WASF1: variants seen among roughly 807,000 people sequenced by gnomAD.
WASF1 encodes the protein WASP family member 1.
In WASF1, 7 loss-of-function variants were observed where a neutral mutation model predicts 50.5. The ratio of observed to expected loss-of-function variants is 0.14; its 90% CI spans 0.08 to 0.26. The LOEUF (loss-of-function observed/expected upper bound fraction) is 0.26. WASF1 is among the 10% of genes least tolerant of loss of function. The pLI is 1.00. For synonymous variants in WASF1, 205 were observed against 244.0 expected (o/e 0.84, Z 1.49); for missense variants, 470 against 694.7 (o/e 0.68, Z 3.64).
intron 3 of WASF1, among the ~76,000 whole-genome samples, chr6:110,148,394 A>G (rs1217742437): frequency 6.6e-6 from 1 of 152,132 alleles, no homozygotes; most frequent in Non-Finnish European, 1.5e-5. Context: ...ATGGAGTAAA[A>G]GTAGGGGACA....
At chr6:110,121,208 C>T (rs911837987) in intron 4 of WASF1, among the ~76,000 whole-genome samples, 1 of 152,114 alleles carries the variant, frequency 6.6e-6, no homozygotes, top group Non-Finnish European at 1.5e-5. Context: ...AACTAAAGAG[C>T]CTCTGCACAG....
intron 6 of WASF1, 79 bp downstream of exon 6, chr6:110,108,449 T>C: frequency 7.0e-7 from 1 of 1,418,684 alleles, no homozygotes; most frequent in Non-Finnish European, 9.6e-7. Flanking sequence ...CCCAATGAAA[T>C]AAAGAATGTT....
At chr6:110,133,241 C>G (rs2114530726) in intron 3 of WASF1, among the ~76,000 whole-genome samples, 1 of 152,190 alleles carries the variant, frequency 6.6e-6, no homozygotes, top group African/African-American at 2.4e-5. Context: ...ACAAATTGTG[C>G]TGCTATATAC....
chr6:110,176,321 T>C (rs971435403), intron 2 of WASF1, among the ~76,000 whole-genome samples: 1 of 152,086 alleles, frequency 6.6e-6, no homozygotes, highest in Non-Finnish European at 1.5e-5. Context: ...CACTTCTATC[T>C]AGTGTAGGAA....
intron 7 of WASF1, 96 bp downstream of exon 7, chr6:110,106,977 AAAAT>A: frequency 1.1e-6 from 1 of 871,064 alleles, no homozygotes; most frequent in Non-Finnish European, 1.8e-6. Context: ...TGGACCCAAT[AAAAT>A]AAAACTGTCA....
chr6:110,176,591 C>T lies in WASF1; in HGVS notation c.-127+2007G>A, dbSNP rs539757553. ...TTGATAAATCTTTAAAAATGTTTCA[C>T]TAAATATATTAATTCAATGGATATT... On this transcript the variant is annotated intron_variant, in intron 2 of 10. Transcript: ENST00000392589. 6.6e-5 allele frequency among the ~76,000 whole-genome samples: 10 copies of T among 152,022 alleles called. No homozygotes were observed. In the South Asian group the frequency reaches 2.1e-3, roughly 32 times the overall value.
At chr6:110,152,344 C>G (rs1240363270) in intron 3 of WASF1, among the ~76,000 whole-genome samples, 1 of 152,096 alleles carries the variant, frequency 6.6e-6, no homozygotes, top group Non-Finnish European at 1.5e-5. Context: ...AAACCAGGAA[C>G]AATAATATTA....
chr6:110,134,222 G>A (rs1774836093), intron 3 of WASF1, among the ~76,000 whole-genome samples: 1 of 151,738 alleles, frequency 6.6e-6, no homozygotes, highest in Non-Finnish European at 1.5e-5. Context: ...TTGGCCTTGG[G>A]TTGATCTTTT....
intron 3 of WASF1, among the ~76,000 whole-genome samples, chr6:110,130,804 CA>C (rs1291697501): frequency 1.3e-5 from 2 of 152,218 alleles, no homozygotes; most frequent in Non-Finnish European, 2.9e-5. Context: ...ACTGTACCAA[CA>C]CTTTACTTTC....
intron 4 of WASF1, among the ~76,000 whole-genome samples, chr6:110,124,245 T>TTC (rs1774296528): frequency 2.5e-5 from 1 of 39,486 alleles, no homozygotes; most frequent in Non-Finnish European, 4.4e-5. Flanking sequence ...CCTCTCTCTC[T>TTC]CTCTCTCTCT....
At chr6:110,116,232 C>T (rs1207076271) in intron 4 of WASF1, among the ~76,000 whole-genome samples, 1 of 152,202 alleles carries the variant, frequency 6.6e-6, no homozygotes, top group Non-Finnish European at 1.5e-5. Context: ...CGAGGCATTG[C>T]CTCACCCAGG....
At chr6:110,172,487 TA>T (rs890847085) in intron 2 of WASF1, among the ~76,000 whole-genome samples, 13 of 151,540 alleles carry the variant, frequency 8.6e-5, no homozygotes, top group African/African-American at 2.7e-4. Flanking sequence ...TATTTTGGTT[TA>T]AAAAAAAATC....
chr6:110,145,211 C>T (rs201223753), intron 3 of WASF1, among the ~76,000 whole-genome samples: 5 of 151,442 alleles, frequency 3.3e-5, no homozygotes, highest in South Asian at 2.1e-4. Flanking sequence ...ATTTTATTCT[C>T]TTTGAAGCAA....
intron 3 of WASF1, among the ~76,000 whole-genome samples, chr6:110,137,525 C>A (rs1480314190): frequency 1.3e-5 from 2 of 152,184 alleles, no homozygotes; most frequent in Non-Finnish European, 2.9e-5. Flanking sequence ...ACGTGACAGG[C>A]AGCTGTAACT....
chr6:110,134,527 T>C (rs56135788), intron 3 of WASF1, among the ~76,000 whole-genome samples: 30,901 of 151,570 alleles, frequency 0.2, 4,334 homozygotes, highest in African/African-American at 0.4. Context: ...TGGGTTCAAG[T>C]GATTCTCCTG....
intron 9 of WASF1, 147 bp from the exon 10 acceptor site, chr6:110,102,363 G>A (rs1184100794): frequency 4.0e-6 from 3 of 751,632 alleles, no homozygotes; most frequent in Non-Finnish European, 5.4e-6. Context: ...ATCTTCAACA[G>A]TATTTAGAAA....
chr6:110,152,748 C>T (rs547625951), intron 3 of WASF1, among the ~76,000 whole-genome samples: 185 of 152,230 alleles, frequency 1.2e-3, no homozygotes, highest in Non-Finnish European at 2.9e-4. Context: ...GATGTTTTAG[C>T]CTGCTAAATG....
intron 2 of WASF1, among the ~76,000 whole-genome samples, chr6:110,167,036 G>A (rs1350360130): frequency 1.3e-5 from 2 of 151,430 alleles, no homozygotes; most frequent in African/African-American, 2.4e-5. Flanking sequence ...AGGTTCTAAG[G>A]GAACTAAAAA....
At chr6:110,175,229 CA>C in intron 2 of WASF1, among the ~76,000 whole-genome samples, 1 of 152,160 alleles carries the variant, frequency 6.6e-6, no homozygotes, top group African/African-American at 2.4e-5. Flanking sequence ...GATCTTTCTT[CA>C]AAGTATGAAT....
Sources: allele counts gnomAD v4.1 joint callset (sites outside exome capture counted in the v4.1 genomes callset), GRCh38; gene constraint gnomAD v4.1.1; transcripts MANE v1.5; gene names NCBI Gene and HGNC (gene_info 2026-07-23, HGNC 2026-07-21).